The following SNTG1 variants were observed in gnomAD, a reference collection of about 807,000 sequenced individuals.
SNTG1 encodes syntrophin gamma 1.
Under a neutral mutation model 74.7 loss-of-function variants are expected in SNTG1, and 39 were observed. That is an observed-to-expected ratio of 0.52 (90% CI 0.40 to 0.68). SNTG1 has a LOEUF of 0.68. Among genes scored for constraint, SNTG1 ranks in the 30% least tolerant of loss-of-function variants. The pLI is 0.00. For synonymous variants in SNTG1, 254 were observed against 217.1 expected, an observed-to-expected ratio of 1.17 and a Z score of -1.49; for missense variants, 685 against 609.5, an observed-to-expected ratio of 1.12 and a Z score of -1.30.
intron 15 of SNTG1, among the ~76,000 whole-genome samples, chr8:50,689,926 G>T (rs138809633): frequency 0.01 from 1,537 of 152,206 alleles, 17 homozygotes; most frequent in Non-Finnish European, 0.014. Flanking sequence ...CAATTTCAGA[G>T]CCTGTTATTG....
At chr8:50,385,289 G>A (rs1563314353) in intron 2 of SNTG1, among the ~76,000 whole-genome samples, 1 of 152,132 alleles carries the variant, frequency 6.6e-6, no homozygotes, top group African/African-American at 2.4e-5. Flanking sequence ...CCCAAATGAG[G>A]AATATGTTGC....
At chr8:50,057,190 G>A (rs1227570676) in intron 1 of SNTG1, among the ~76,000 whole-genome samples, 1 of 152,032 alleles carries the variant, frequency 6.6e-6, no homozygotes, top group African/African-American at 2.4e-5. Flanking sequence ...AGAACGTGGT[G>A]TTCTCCTAGC....
chr8:50,755,263 C>G (rs907315112), intron 18 of SNTG1, among the ~76,000 whole-genome samples: 1 of 151,760 alleles, frequency 6.6e-6, no homozygotes, highest in Non-Finnish European at 1.5e-5. Context: ...CTATTCACCC[C>G]TATCTTCCCC....
intron 1 of SNTG1, among the ~76,000 whole-genome samples, chr8:50,093,970 A>C (rs1473307110): frequency 6.6e-6 from 1 of 152,206 alleles, no homozygotes; most frequent in Non-Finnish European, 1.5e-5. Context: ...TAGACAGAAC[A>C]AAGAAAAAGG....
chr8:49,972,268 G>A (rs1443566484), intron 1 of SNTG1, among the ~76,000 whole-genome samples: 1 of 152,146 alleles, frequency 6.6e-6, no homozygotes. Context: ...AATGAGGAAA[G>A]GATTCTCTAT....
At chr8:50,708,854 T>A (rs1359935178) in intron 16 of SNTG1, 32 bp from the exon 17 acceptor site, 1 of 1,460,410 alleles carries the variant, frequency 6.8e-7, no homozygotes, top group African/African-American at 1.4e-5. Context: ...ATCAATAACA[T>A]GAAAAGTAAC....
At chr8:50,533,544 T>A (rs1469266960) in intron 10 of SNTG1, among the ~76,000 whole-genome samples, 1 of 152,128 alleles carries the variant, frequency 6.6e-6, no homozygotes, top group Non-Finnish European at 1.5e-5. Flanking sequence ...TTTTAGACTA[T>A]CTTTTATGCA....
chr8:50,645,191 T>TC (rs2095100531), intron 13 of SNTG1, among the ~76,000 whole-genome samples: 1 of 34,444 alleles, frequency 2.9e-5, no homozygotes, highest in Non-Finnish European at 5.3e-5. Context: ...ATATAGAAAA[T>TC]ATGTTTATTT....
chr8:50,716,559 G>A (rs2095475469), intron 17 of SNTG1, among the ~76,000 whole-genome samples: 1 of 151,946 alleles, frequency 6.6e-6, no homozygotes, highest in Non-Finnish European at 1.5e-5. Context: ...GACATTTAGG[G>A]AAACTCTCAG....
chr8:49,982,085 C>A (rs1328381864), intron 1 of SNTG1, among the ~76,000 whole-genome samples: 4 of 152,020 alleles, frequency 2.6e-5, no homozygotes, highest in African/African-American at 9.7e-5. Context: ...TGACTTGATC[C>A]AATCAAACTC....
At chr8:50,014,310 G>C (rs1035690225) in intron 1 of SNTG1, among the ~76,000 whole-genome samples, 8 of 152,078 alleles carry the variant, frequency 5.3e-5, no homozygotes, top group Admixed American at 1.3e-4. Flanking sequence ...CTCAACTCAG[G>C]CAGGACAAAT....
At chr8:50,310,816 T>C (rs750584769) in intron 2 of SNTG1, among the ~76,000 whole-genome samples, 9 of 152,342 alleles carry the variant, frequency 5.9e-5, no homozygotes, top group African/African-American at 9.6e-5. Flanking sequence ...TATTGTGAGA[T>C]AAGATATACA....
chr8:50,733,461 TG>T (rs2095517981), intron 17 of SNTG1, among the ~76,000 whole-genome samples: 1 of 152,084 alleles, frequency 6.6e-6, no homozygotes, highest in African/African-American at 2.4e-5. Flanking sequence ...ATGGGATATC[TG>T]GGCTAAATGG....
chr8:50,566,923 C>T (rs2094519267), intron 12 of SNTG1, among the ~76,000 whole-genome samples: 1 of 151,930 alleles, frequency 6.6e-6, no homozygotes, highest in Non-Finnish European at 1.5e-5. Flanking sequence ...AACATTCTGT[C>T]CCTTATATGA....
intron 12 of SNTG1, among the ~76,000 whole-genome samples, chr8:50,584,225 A>G (rs1447206387): frequency 6.7e-6 from 1 of 149,840 alleles, no homozygotes; most frequent in East Asian, 2.0e-4. Flanking sequence ...TAGGGCCGCA[A>G]TAAATGTATG....
intron 2 of SNTG1, among the ~76,000 whole-genome samples, chr8:50,316,772 A>G (rs1464273006): frequency 1.3e-5 from 2 of 152,156 alleles, no homozygotes; most frequent in South Asian, 4.1e-4. Flanking sequence ...TTGTAAACAC[A>G]ATAAGAGTAT....
upstream of SNTG1, among the ~76,000 whole-genome samples, chr8:49,910,413 G>T (rs1805521260): frequency 6.6e-6 from 1 of 151,188 alleles, no homozygotes; most frequent in Non-Finnish European, 1.5e-5. Flanking sequence ...AGTCTGCAAG[G>T]GCGGGCGGTG....
intron 2 of SNTG1, among the ~76,000 whole-genome samples, chr8:50,257,370 C>T (rs945192994): frequency 6.6e-6 from 1 of 152,050 alleles, no homozygotes; most frequent in Non-Finnish European, 1.5e-5. Context: ...GTAGGGGTGC[C>T]CCTCCGTGAA....
intron 1 of SNTG1, among the ~76,000 whole-genome samples, chr8:50,105,107 T>TTC (rs2080313558): frequency 6.6e-6 from 1 of 152,092 alleles, no homozygotes; most frequent in African/African-American, 2.4e-5. Flanking sequence ...TCTTGAAATC[T>TTC]TTGCCATATC....
Sources: allele counts gnomAD v4.1 joint callset (sites outside exome capture counted in the v4.1 genomes callset), GRCh38; gene constraint gnomAD v4.1.1; transcripts MANE v1.5; gene names NCBI Gene and HGNC (gene_info 2026-07-23, HGNC 2026-07-21).